TTC5: variants seen among roughly 807,000 people sequenced by gnomAD.
TTC5 encodes the protein tetratricopeptide repeat domain 5.
A neutral mutation model predicts 57.4 loss-of-function variants in TTC5; 46 were observed. That is an observed-to-expected ratio of 0.80 (90% CI 0.63 to 1.03). TTC5 has a LOEUF of 1.03. Among genes scored for constraint, TTC5 ranks in the 50% least tolerant of loss-of-function variants. The probability of loss-of-function intolerance (pLI) is 0.00; values close to 1 mark genes in which losing one functional copy is unlikely to be tolerated. For missense variants in TTC5, 504 were observed against 528.1 expected, an observed-to-expected ratio of 0.95 and a Z score of 0.45; for synonymous variants, 190 against 203.5, an observed-to-expected ratio of 0.93 and a Z score of 0.57.
chr14:20,301,994 G>A, intron 1 of TTC5, 29 bp from the exon 2 acceptor site: 1 of 1,612,758 alleles, frequency 6.2e-7, no homozygotes, highest in Admixed American at 1.7e-5. Flanking sequence ...GAACCATTAA[G>A]TGGAAAGATC....
chr14:20,292,912 G>T (rs565031397), intron 8 of TTC5: 1 of 152,294 alleles, frequency 6.6e-6, no homozygotes, highest in African/African-American at 2.4e-5. Flanking sequence ...AACCTCTGAG[G>T]GGATAGGAAC....
intron 1 of TTC5, among the ~76,000 whole-genome samples, chr14:20,302,496 T>C (rs1175895361): frequency 6.6e-6 from 1 of 152,236 alleles, no homozygotes; most frequent in East Asian, 1.9e-4. Flanking sequence ...ACCACAAACA[T>C]ACCAATTTGA....
intron 8 of TTC5, chr14:20,292,863 G>C (rs115888413): frequency 6.6e-6 from 1 of 152,124 alleles, no homozygotes; most frequent in Non-Finnish European, 1.5e-5. Context: ...AACCAGCTGG[G>C]TTAAAAGAGA....
intron 2 of TTC5, 91 bp from the exon 3 acceptor site, chr14:20,300,909 G>C (rs1460943197): frequency 2.0e-6 from 2 of 1,009,266 alleles, no homozygotes; most frequent in Non-Finnish European, 2.9e-6. Flanking sequence ...TCAGTTTTAG[G>C]AATAAAAAGA....
At chr14:20,289,844 CCT>C in intron 9 of TTC5, 98 bp from the exon 10 acceptor site, 2 of 1,285,738 alleles carry the variant, frequency 1.6e-6, no homozygotes, top group Non-Finnish European at 2.1e-6. Flanking sequence ...CACCACCTCC[CCT>C]GTTGTATACC....
In TTC5 at chr14:20,286,417, G is replaced by T. The variant is rs2138798599; in HGVS notation, c.*3210C>A. ...CTATGTGATATTTTATAATCATCTG[G>T]TTGGTAAAAATTAAAAAGCTAGACA... On this transcript the variant is annotated 3_prime_UTR_variant, in exon 10 of 10. Coordinates refer to ENST00000258821, the MANE Select transcript of TTC5 (RefSeq NM_138376.3). The T allele has an allele frequency of 6.6e-6, 1 of 152,008 alleles. No homozygotes were observed. Among genetic ancestry groups the T allele is most frequent in the East Asian group, 1.9e-4 (1 of 5,180 alleles). 9.4% of individuals were successfully genotyped at this position (152,008 alleles called of 1,614,324 possible).
Position 20,305,926 on chromosome 14 carries a change from A to C in TTC5, c.12T>G (p.Asp4Glu), listed in dbSNP as rs775813740. 2 of 1,613,934 alleles carry C rather than the reference A, an allele frequency of 1.2e-6. No homozygotes were observed. The highest frequency in any genetic ancestry group is 1.7e-6 in the Non-Finnish European group (2 of 1,180,018). MMA[D>E]EEEEVKPILQ... ...AGATCGGCTTGACTTCTTCCTCTTC[A>C]TCAGCCATCATCTCCCGGCCACTCC... Residue 4 changes from aspartate (D) to glutamate (E), a missense_variant, in exon 1 of 10, where the codon GAT becomes GAG. Physicochemically the swap from Asp to Glu is conservative, Grantham distance 45 (BLOSUM62 2). Transcript: ENST00000258821.
intron 6 of TTC5, 53 bp downstream of exon 6, chr14:20,296,337 C>T (rs1175355903): frequency 7.2e-7 from 1 of 1,393,062 alleles, no homozygotes; most frequent in African/African-American, 1.4e-5. Flanking sequence ...CAAGCTAAGA[C>T]ATAGGTGTCT....
rs1566389892 is a variant in TTC5 at position 20,295,426 on chromosome 14, T to C, written c.944A>G (p.Gln315Arg). ...TGGCTTGAGCTCCAGGGTCACTTTC[T>C]GCCCAGAGGCTGACTGATAGTGCCC... ...SDGHYQSASG[Q>R]KVTLELKPLS... Residue 315 changes from glutamine (Q) to arginine (R), a missense_variant, in exon 8 of 10, where the codon CAG (glutamine) becomes CGG (arginine). Transcript: ENST00000258821. The C allele has an allele frequency of 1.9e-6, 3 of 1,614,106 alleles. No individual in the cohort carries two copies. The highest frequency in any genetic ancestry group is 2.5e-6 in the Non-Finnish European group (3 of 1,180,040).
chr14:20,289,927 A>G (rs190634973), intron 9 of TTC5, among the ~76,000 whole-genome samples, 181 bp from the exon 10 acceptor site: 14 of 152,336 alleles, frequency 9.2e-5, no homozygotes, highest in African/African-American at 3.1e-4. Flanking sequence ...AAAGTTTTCA[A>G]TCTTCAGAAG....
At chr14:20,298,996 C>G in intron 4 of TTC5, 108 bp from the exon 5 acceptor site, 1 of 894,076 alleles carries the variant, frequency 1.1e-6, no homozygotes, top group Non-Finnish European at 1.8e-6. Context: ...GAAATCCAAA[C>G]CAGGAATGAC....
rs1882124956 is a variant in TTC5, at chr14:20,298,984, A to G, written c.548-96T>C. The G allele has an allele frequency of 5.1e-6, 5 of 988,688 alleles. No individual in the cohort carries two copies. The South Asian group carries it at 7.5e-5, about 15-fold the overall frequency. The allele number at this position is 988,688 out of a possible 1,614,324, so 61.2% of individuals were successfully genotyped here. A position where few individuals can be genotyped will look rare whatever the true frequency, so the allele number is the denominator to read the frequency against. ...TGAAAGTATATTTGAAAGGTCCCAC[A>G]AGAAATCCAAACCAGGAATGACACG... On this transcript the variant is annotated intron_variant, in intron 4 of 9. Coordinates refer to ENST00000258821, the MANE Select transcript of TTC5 (RefSeq NM_138376.3).
In TTC5 at chr14:20,305,897, T is replaced by G; in HGVS notation, c.41A>C (p.Gln14Pro). ...DEEEEVKPIL[Q>P]KLQELVDQLY... Reference sequence around the variant, plus strand: ...AATCTACGGCCCCACCTGCAATTTCTGCAAGATCGGCTTGACTTCTTCCTC... The same window carrying G: ...AATCTACGGCCCCACCTGCAATTTCGGCAAGATCGGCTTGACTTCTTCCTC... Residue 14 changes from glutamine (Q) to proline (P), a missense_variant, in exon 1 of 10, where the codon CAG becomes CCG. By Grantham distance (76) the Gln-to-Pro change is moderately conservative. Coordinates refer to ENST00000258821, the MANE Select transcript of TTC5 (RefSeq NM_138376.3). 6.2e-7 allele frequency: 1 copy of G among 1,614,168 alleles called. No individual in the cohort carries two copies. Among genetic ancestry groups the G allele is most frequent in the East Asian group, 2.2e-5 (1 of 44,880 alleles).
In TTC5 at chr14:20,292,098, G is replaced by A; in HGVS notation, c.1088C>T (p.Pro363Leu). ...ATTGTACACCATCACTGCATAGCAA[G>A]GTCCATCTGAATCTACCAGGCCAAA... ...FTFGLVDSDG[P>L]CYAVMVYNIV... The change falls in exon 9 of 10, where the codon CCT becomes CTT. Residue 363 changes from proline (P) to leucine (L), a missense_variant. Transcript: ENST00000258821. 1 of 1,582,334 alleles carries A rather than the reference G, an allele frequency of 6.3e-7. No homozygotes were observed. Among genetic ancestry groups the A allele is most frequent in the African/African-American group, 1.4e-5 (1 of 74,010 alleles).
chr14:20,304,758 A>G (rs1437845111), intron 1 of TTC5, among the ~76,000 whole-genome samples: 8 of 152,206 alleles, frequency 5.3e-5, no homozygotes, highest in Admixed American at 5.2e-4. Context: ...AGAAGGGCTT[A>G]TTGATTGGTT....
At chr14:20,300,361 G>C (rs1056933399) in intron 3 of TTC5, 4 of 474,910 alleles carry the variant, frequency 8.4e-6, no homozygotes, top group African/African-American at 7.9e-5. Context: ...ACAGGGATCA[G>C]CTTAGCTGCT....
At chr14:20,298,120 G>A (rs1882104083) in intron 5 of TTC5, among the ~76,000 whole-genome samples, 1 of 152,052 alleles carries the variant, frequency 6.6e-6, no homozygotes. Context: ...AAAGAAGAAA[G>A]GTAAATATGA....
Position 20,289,533 on chromosome 14 carries a change from T to C in TTC5, c.*94A>G, listed in dbSNP as rs1397005743. ...AGAAAGTCTTCATTTAAAACATTCCTCCCATCCCTGCTGAATCACTGGATG... is the reference window on the plus strand; with the variant it reads ...AGAAAGTCTTCATTTAAAACATTCCCCCCATCCCTGCTGAATCACTGGATG... On this transcript the variant is annotated 3_prime_UTR_variant, in exon 10 of 10. Coordinates refer to ENST00000258821, the MANE Select transcript of TTC5 (RefSeq NM_138376.3). 8 of 1,446,144 alleles carry C rather than the reference T, an allele frequency of 5.5e-6. No individual in the cohort carries two copies. The Admixed American group carries it at 1.8e-4, about 32-fold the overall frequency. The allele number at this position is 1,446,144 out of a possible 1,614,324, so 89.6% of individuals were successfully genotyped here.
rs757066846 is a variant in TTC5, at chr14:20,300,754, G to T, written c.249C>A (p.Asp83Glu). Reference protein sequence around the residue: ...LTGKALNVTPDYSPKAEELLS... With the variant: ...LTGKALNVTPEYSPKAEELLS... ...GAAGCTCCTCAGCCTTAGGGCTATA[G>T]TCAGGAGTCACATTTAGTGCTTTCC... The change falls in exon 3 of 10, where the codon GAC becomes GAA. Residue 83 changes from aspartate (D) to glutamate (E), a missense_variant. Transcript: ENST00000258821. 7.4e-5 allele frequency: 119 copies of T among 1,614,006 alleles called. No individual in the cohort carries two copies. Among genetic ancestry groups the T allele is most frequent in the Non-Finnish European group, 9.6e-5 (113 of 1,180,034 alleles).
Sources: gnomAD v4.1 joint callset for allele counts (sites outside exome capture counted in the v4.1 genomes callset) on GRCh38, gnomAD v4.1.1 for gene constraint, MANE v1.5 for transcripts, NCBI Gene and HGNC (gene_info 2026-07-23, HGNC 2026-07-21) for gene names.